Variants in TPST1 observed in about 807,000 individuals in gnomAD.
TPST1 encodes the protein protein-tyrosine sulfotransferase 1.
A neutral mutation model predicts 34.8 loss-of-function variants in TPST1; 20 were observed. That is an observed-to-expected ratio of 0.57 (90% CI 0.40 to 0.84). The LOEUF (loss-of-function observed/expected upper bound fraction) is 0.84, where lower values mean the gene tolerates loss of function less well. Among genes scored for constraint, TPST1 ranks in the 40% least tolerant of loss-of-function variants. TPST1 has a pLI of 0.00. For missense variants in TPST1, 353 were observed against 455.5 expected (o/e 0.78, Z 2.05); for synonymous variants, 152 against 159.4 (o/e 0.95, Z 0.35).
intron 3 of TPST1, among the ~76,000 whole-genome samples, chr7:66,330,930 A>G (rs1428998930): frequency 6.6e-6 from 1 of 152,174 alleles, no homozygotes; most frequent in East Asian, 1.9e-4. Context: ...GTGTTGTCTC[A>G]TAGGTTCTGT....
At position 66,240,767 on chromosome 7, in the gene TPST1, G is replaced by A; in HGVS notation, c.342G>A (p.Trp114Ter). 6.2e-7 allele frequency: 1 copy of A among 1,614,206 alleles called. No homozygotes were observed. Among genetic ancestry groups the A allele is most frequent in the South Asian group, 1.1e-5 (1 of 91,082 alleles). Residue 114 changes from tryptophan to a stop codon, truncating the protein, a stop_gained, in exon 2 of 6, where the codon TGG (tryptophan) becomes TGA (stop). Transcript: ENST00000304842. LOFTEE classifies it high-confidence loss of function. ...IPRILALKQM[W>*]SRSSKEKIRL... ...GAATCCTGGCCCTGAAGCAGATGTG[G>A]TCACGGTCAAGTAAAGAGAAGATCC... is the stretch of plus-strand genomic sequence containing the variant.
intron 2 of TPST1, among the ~76,000 whole-genome samples, chr7:66,253,256 T>C (rs1350862218): frequency 6.6e-6 from 1 of 152,208 alleles, no homozygotes; most frequent in Non-Finnish European, 1.5e-5. Context: ...TCTGTGGATT[T>C]TGGCATTTGT....
At chr7:66,253,496 C>G (rs536114809) in intron 2 of TPST1, among the ~76,000 whole-genome samples, 1 of 151,660 alleles carries the variant, frequency 6.6e-6, no homozygotes, top group African/African-American at 2.4e-5. Flanking sequence ...TCAATTCTCC[C>G]GAGTAGCTGG....
chr7:66,358,874 T>C (rs1792634625), intron 5 of TPST1, among the ~76,000 whole-genome samples: 1 of 152,162 alleles, frequency 6.6e-6, no homozygotes, highest in African/African-American at 2.4e-5. Context: ...ATGGACCGCA[T>C]CAGCAGTTGC....
the TPST1 span, among the ~76,000 whole-genome samples, chr7:66,199,721 T>TC: frequency 6.7e-6 from 1 of 149,288 alleles, no homozygotes; most frequent in Non-Finnish European, 1.5e-5. Flanking sequence ...GTGTCCCTTT[T>TC]TTTTTTTTCT....
At chr7:66,296,257 CTCCCCCA>C (rs532210052) in intron 3 of TPST1, among the ~76,000 whole-genome samples, 45,654 of 113,562 alleles carry the variant, frequency 0.4, 10,554 homozygotes, top group African/African-American at 0.43. Context: ...TCCCCCCCCC[CTCCCCCA>C]CCGTCTCTGC....
chr7:66,348,201 T>G (rs942512383), intron 3 of TPST1, among the ~76,000 whole-genome samples: 2 of 152,136 alleles, frequency 1.3e-5, no homozygotes, highest in African/African-American at 4.8e-5. Flanking sequence ...TCTATTTCTA[T>G]CTCCTTGGTC....
chr7:66,256,029 T>C (rs1456295066), intron 2 of TPST1, among the ~76,000 whole-genome samples: 1 of 152,212 alleles, frequency 6.6e-6, no homozygotes, highest in African/African-American at 2.4e-5. Flanking sequence ...ATTAATGATA[T>C]TTTTCTATAA....
At chr7:66,225,556 G>A (rs900588651) in intron 1 of TPST1, among the ~76,000 whole-genome samples, 1 of 152,102 alleles carries the variant, frequency 6.6e-6, no homozygotes, top group African/African-American at 2.4e-5. Context: ...AGGTTGCAGT[G>A]AGCCGAGATT....
At chr7:66,346,691 ATTGACTTG>A (rs1792358856) in intron 3 of TPST1, among the ~76,000 whole-genome samples, 2 of 151,734 alleles carry the variant, frequency 1.3e-5, no homozygotes, top group African/African-American at 4.8e-5. Flanking sequence ...TCGATTTTTT[ATTGACTTG>A]TTTGAGCTCT....
intron 1 of TPST1, among the ~76,000 whole-genome samples, chr7:66,220,783 A>G (rs1789527151): frequency 6.6e-6 from 1 of 151,976 alleles, no homozygotes; most frequent in South Asian, 2.1e-4. Flanking sequence ...AAAAAAGTAG[A>G]AAGTTGTGGA....
At chr7:66,254,901 A>C (rs2115657274) in intron 2 of TPST1, among the ~76,000 whole-genome samples, 1 of 151,930 alleles carries the variant, frequency 6.6e-6, no homozygotes, top group Non-Finnish European at 1.5e-5. Flanking sequence ...TAATCCCAGC[A>C]CTTTGGGAGG....
intron 4 of TPST1, 73 bp downstream of exon 4, chr7:66,352,628 T>G: frequency 1.3e-6 from 2 of 1,571,886 alleles, no homozygotes; most frequent in Non-Finnish European, 1.7e-6. Flanking sequence ...TTTAAAGAGA[T>G]AATGAAATTA....
chr7:66,257,207 G>A (rs1040681825), intron 2 of TPST1, among the ~76,000 whole-genome samples: 1 of 152,166 alleles, frequency 6.6e-6, no homozygotes, highest in Admixed American at 6.5e-5. Context: ...AGGATTACAG[G>A]TGTGAGCCAC....
At chr7:66,222,660 C>A (rs923036318) in intron 1 of TPST1, among the ~76,000 whole-genome samples, 5 of 151,982 alleles carry the variant, frequency 3.3e-5, no homozygotes, top group African/African-American at 1.2e-4. Flanking sequence ...CTGGAGGCAG[C>A]ACCATGAGCA....
intron 2 of TPST1, among the ~76,000 whole-genome samples, chr7:66,251,402 G>A (rs901319347): frequency 3.9e-5 from 6 of 151,938 alleles, no homozygotes; most frequent in South Asian, 4.2e-4. Flanking sequence ...TTTTATTGTC[G>A]AACGCTTATG....
chr7:66,284,692 G>T (rs1790999913), intron 2 of TPST1, among the ~76,000 whole-genome samples: 1 of 151,384 alleles, frequency 6.6e-6, no homozygotes, highest in Non-Finnish European at 1.5e-5. Context: ...AAGTAGCTGG[G>T]ATTACAGACA....
At chr7:66,235,821 G>C (rs1253718344) in intron 1 of TPST1, among the ~76,000 whole-genome samples, 1 of 152,270 alleles carries the variant, frequency 6.6e-6, no homozygotes, top group South Asian at 2.1e-4. Flanking sequence ...GTTTGGAAAG[G>C]TGGGACAGCT....
intron 2 of TPST1, among the ~76,000 whole-genome samples, chr7:66,277,894 GT>G (rs1288531917): frequency 6.6e-6 from 1 of 152,056 alleles, no homozygotes; most frequent in Non-Finnish European, 1.5e-5. Flanking sequence ...GAGGTCAGGA[GT>G]TTGAGACCAG....
Sources: gnomAD v4.1 joint callset for allele counts (sites outside exome capture counted in the v4.1 genomes callset) on GRCh38, gnomAD v4.1.1 for gene constraint, MANE v1.5 for transcripts, NCBI Gene and HGNC (gene_info 2026-07-23, HGNC 2026-07-21) for gene names.